Variants in GRIP1 observed in about 807,000 individuals in gnomAD.
The protein encoded by GRIP1 is glutamate receptor interacting protein 1.
GRIP1 carries 45 observed loss-of-function variants against 129.9 expected under a neutral mutation model. The ratio of observed to expected loss-of-function variants is 0.35; its 90% CI spans 0.27 to 0.44. The LOEUF is 0.44. Among genes scored for constraint, GRIP1 ranks in the 20% least tolerant of loss-of-function variants. GRIP1 has a pLI of 1.00. For missense variants in GRIP1, 1,196 were observed against 1,396.8 expected, an observed-to-expected ratio of 0.86 and a Z score of 2.29; for synonymous variants, 530 against 520.8, an observed-to-expected ratio of 1.02 and a Z score of -0.24.
chr12:67,006,490 A>G (rs954969875), intron 1 of GRIP1, among the ~76,000 whole-genome samples: 2 of 152,100 alleles, frequency 1.3e-5, no homozygotes, highest in Non-Finnish European at 2.9e-5. Flanking sequence ...GGAGGGGCTG[A>G]AGTGAGAGAT....
chr12:66,456,104 A>G lies in GRIP1; in HGVS notation c.1198+83T>C, dbSNP rs957035973. The G allele has an allele frequency of 8.4e-6, 7 of 829,640 alleles. No homozygotes were observed. In the African/African-American group the frequency reaches 1.2e-4, roughly 15 times the overall value. The allele number at this position is 829,640 out of a possible 1,614,324, so 51.4% of individuals were successfully genotyped here. A position where few individuals can be genotyped will look rare whatever the true frequency, so the allele number is the denominator to read the frequency against. On this transcript the variant is annotated intron_variant, in intron 10 of 24. Coordinates refer to ENST00000359742, the MANE Select transcript of GRIP1 (RefSeq NM_001366722.1). ...ATAAGAAACAGAAAAAACAACATCCATGAAGCCAAAGATGAGAAAAGGAGA... is the reference window on the plus strand; with the variant it reads ...ATAAGAAACAGAAAAAACAACATCCGTGAAGCCAAAGATGAGAAAAGGAGA...
In GRIP1 at chr12:66,789,241, G is replaced by A. The variant is rs565075190; in HGVS notation, c.-420+14812C>T. Among the ~76,000 whole-genome samples, 7 of 152,264 alleles carry A rather than the reference G, an allele frequency of 4.6e-5. No individual in the cohort carries two copies. The South Asian group carries it at 1.2e-3, about 27-fold the overall frequency. ...AGAACCTGCAATGTTCTAGGCACAG[G>A]AGAATTAAGTCGGATGGGCAGCTTG... On this transcript the variant is annotated intron_variant, in intron 1 of 4. Transcript: ENST00000538373.
At chr12:66,485,951 C>T (rs1180876827) in intron 7 of GRIP1, among the ~76,000 whole-genome samples, 1 of 151,846 alleles carries the variant, frequency 6.6e-6, no homozygotes, top group African/African-American at 2.4e-5. Context: ...TGTGTGTTTT[C>T]TGGACACTCT....
chr12:67,016,856 T>C (rs1279549823), intron 1 of GRIP1, among the ~76,000 whole-genome samples: 1 of 152,122 alleles, frequency 6.6e-6, no homozygotes, highest in Non-Finnish European at 1.5e-5. Flanking sequence ...GATATCCCCC[T>C]GTTTGAGACA....
intron 2 of GRIP1, among the ~76,000 whole-genome samples, chr12:66,578,217 T>C (rs979371334): frequency 3.3e-5 from 4 of 120,184 alleles, no homozygotes; most frequent in Admixed American, 8.8e-5. Context: ...GCCTGACTAA[T>C]ATGGCAAAAC....
intron 1 of GRIP1, among the ~76,000 whole-genome samples, chr12:66,730,712 A>AC (rs2036408079): frequency 6.6e-6 from 1 of 151,710 alleles, no homozygotes; most frequent in African/African-American, 2.4e-5. Flanking sequence ...AAAAAAAAAA[A>AC]AAAAAAAAAC....
At chr12:66,407,938 C>T (rs1441571524) in intron 15 of GRIP1, among the ~76,000 whole-genome samples, 1 of 152,158 alleles carries the variant, frequency 6.6e-6, no homozygotes, top group Non-Finnish European at 1.5e-5. Context: ...AGAGAGAGTC[C>T]TTCACTCTAA....
At chr12:66,370,957 A>T (rs1002312435) in intron 23 of GRIP1, among the ~76,000 whole-genome samples, 13 of 152,128 alleles carry the variant, frequency 8.5e-5, no homozygotes, top group African/African-American at 3.1e-4. Flanking sequence ...CCTGAACAAC[A>T]TAATCATCTA....
At chr12:66,431,608 G>A (rs899601196) in intron 14 of GRIP1, among the ~76,000 whole-genome samples, 5 of 152,188 alleles carry the variant, frequency 3.3e-5, no homozygotes, top group Admixed American at 1.3e-4. Context: ...ACAGAGTGCA[G>A]TGAGGCACTT....
intron 1 of GRIP1, among the ~76,000 whole-genome samples, chr12:66,823,849 T>G (rs530907011): frequency 6.6e-6 from 1 of 151,792 alleles, no homozygotes; most frequent in Non-Finnish European, 1.5e-5. Context: ...AACCACACGC[T>G]TTTTACTGTC....
chr12:66,742,634 T>TG (rs2036822840), intron 1 of GRIP1, among the ~76,000 whole-genome samples: 1 of 150,868 alleles, frequency 6.6e-6, no homozygotes, highest in African/African-American at 2.4e-5. Context: ...CTCAGAAAAA[T>TG]GTTAAAAAAA....
At chr12:66,527,434 C>T (rs2061287556) in intron 5 of GRIP1, among the ~76,000 whole-genome samples, 1 of 151,886 alleles carries the variant, frequency 6.6e-6, no homozygotes, top group Non-Finnish European at 1.5e-5. Context: ...GGACAAAAAA[C>T]CAAACACTGC....
chr12:66,780,953 C>A (rs1248768277), intron 1 of GRIP1, among the ~76,000 whole-genome samples: 1 of 152,050 alleles, frequency 6.6e-6, no homozygotes, highest in African/African-American at 2.4e-5. Flanking sequence ...TAAGCTGAGG[C>A]CCAAGACAGC....
At chr12:66,645,000 A>G (rs1228656631) in intron 1 of GRIP1, among the ~76,000 whole-genome samples, 2 of 152,216 alleles carry the variant, frequency 1.3e-5, no homozygotes, top group African/African-American at 4.8e-5. Context: ...TTCTACTAAT[A>G]AAAATGAGTT....
intron 2 of GRIP1, among the ~76,000 whole-genome samples, chr12:66,554,189 A>G (rs986532475): frequency 6.6e-6 from 1 of 152,184 alleles, no homozygotes; most frequent in Non-Finnish European, 1.5e-5. Flanking sequence ...AAGAGTAAAG[A>G]GGACTTTGTC....
intron 1 of GRIP1, among the ~76,000 whole-genome samples, chr12:66,788,553 T>TAA (rs548677296): frequency 6.8e-6 from 1 of 146,650 alleles, no homozygotes; most frequent in African/African-American, 2.5e-5. Flanking sequence ...AAATTAAATT[T>TAA]AAAAAAAAAA....
At chr12:66,465,877 GAAGA>G (rs1318566686) in intron 7 of GRIP1, among the ~76,000 whole-genome samples, 3 of 152,050 alleles carry the variant, frequency 2.0e-5, no homozygotes, top group African/African-American at 7.2e-5. Flanking sequence ...AGGAAGGAAA[GAAGA>G]AAGAAAGGAA....
intron 1 of GRIP1, among the ~76,000 whole-genome samples, chr12:66,942,559 TA>T (rs1279461079): frequency 2.6e-5 from 4 of 152,222 alleles, no homozygotes; most frequent in African/African-American, 9.6e-5. Context: ...GAGCACCTGT[TA>T]CTAATCACAC....
At chr12:66,692,373 G>C (rs1033025357) in intron 1 of GRIP1, among the ~76,000 whole-genome samples, 1 of 152,180 alleles carries the variant, frequency 6.6e-6, no homozygotes, top group African/African-American at 2.4e-5. Flanking sequence ...GAATTAAGCT[G>C]TCCCTTCCTT....
Sources: allele counts gnomAD v4.1 joint callset (sites outside exome capture counted in the v4.1 genomes callset), GRCh38; gene constraint gnomAD v4.1.1; transcripts MANE v1.5; gene names NCBI Gene and HGNC (gene_info 2026-07-23, HGNC 2026-07-21).